C6orf136: variants seen among roughly 807,000 people sequenced by gnomAD.
The protein encoded by C6orf136 is uncharacterized protein C6orf136.
In C6orf136, 29 loss-of-function variants were observed where a neutral mutation model predicts 44.0. The ratio of observed to expected loss-of-function variants is 0.66; its 90% CI spans 0.49 to 0.90. C6orf136 has a LOEUF of 0.90. C6orf136 is among the 40% of genes least tolerant of loss of function. The pLI is 0.00. For synonymous variants in C6orf136, 293 were observed against 278.6 expected (o/e 1.05, Z -0.52); for missense variants, 628 against 669.3 (o/e 0.94, Z 0.68).
At chr6:30,651,193 CCCATT>C in intron 3 of C6orf136, 68 bp from the exon 4 acceptor site, 1 of 1,584,130 alleles carries the variant, frequency 6.3e-7, no homozygotes, top group Non-Finnish European at 8.7e-7. Context: ...ACAGCTGTTC[CCCATT>C]CCTTAGAAGC....
Position 30,647,199 on chromosome 6 carries a change from C to A in C6orf136, c.-33C>A. 1 of 1,539,608 alleles carries A rather than the reference C, an allele frequency of 6.5e-7. No homozygotes were observed. The highest frequency in any genetic ancestry group is 2.0e-5 in the Admixed American group (1 of 49,780). ...CCCTGTGAGGAGGCCGGAGGTCGGA[C>A]TCAGGAGGCTCCTTCTCCACTCCCG... is the stretch of plus-strand genomic sequence containing the variant. On this transcript the variant is annotated 5_prime_UTR_variant, in exon 1 of 6. Transcript: ENST00000651131. This position sits in a 1 kb window ranked among gnomAD's most constrained non-coding sequence, Gnocchi z 4.8.
rs11557269 is a variant in C6orf136 at position 30,651,429 on chromosome 6, T to C, written c.1270T>C (p.Leu424=). 1.2e-6 allele frequency: 2 copies of C among 1,611,818 alleles called. No individual in the cohort carries two copies. The highest frequency in any genetic ancestry group is 1.7e-6 in the Non-Finnish European group (2 of 1,180,028). The part of the protein sequence containing the change: ...LVGLPVHLLF[L]RFYKRDKDEH... Reference sequence around the variant, plus strand: ...GGGGCTGCCCGTCCACTTGCTCTTTTTGCGGTTCTACAAGCGTGACAAAGA... The same window carrying C: ...GGGGCTGCCCGTCCACTTGCTCTTTCTGCGGTTCTACAAGCGTGACAAAGA... Residue 424 remains leucine (L), a synonymous_variant, in exon 4 of 6, where the codon TTG becomes CTG. Transcript: ENST00000651131.
In C6orf136 at chr6:30,649,578, T is replaced by C; in HGVS notation, c.636T>C (p.Thr212=). ...CTTAGGACCAGCTTTATCCAGGGAC[T>C]CTACCATTCCCACCCCTTTGGCCCC... ...SGTEDQLYPG[T]LPFPPLWPHS... is the part of the protein sequence containing the mutation. Residue 212 remains threonine, a synonymous_variant, in exon 2 of 6, where the codon ACT becomes ACC. Transcript: ENST00000651131. The C allele has an allele frequency of 6.3e-7, 1 of 1,584,852 alleles. No homozygotes were observed. The highest frequency in any genetic ancestry group is 8.5e-7 in the Non-Finnish European group (1 of 1,172,808).
At position 30,647,342 on chromosome 6, in the gene C6orf136, G is replaced by A. The variant is rs1324121003; in HGVS notation, c.111G>A (p.Gly37=). 6.4e-7 allele frequency: 1 copy of A among 1,560,092 alleles called. No individual in the cohort carries two copies. The highest frequency in any genetic ancestry group is 1.2e-5 in the South Asian group (1 of 84,148). The stretch of plus-strand genomic sequence containing the variant: ...AAGAGGGAGGGAGGAGAGGGGGCGG[G>A]GAGAGACCCTCCTCAAAGCCGGTGC... ...GGEEGGRRGG[G]ERPSSKPVRG... The change falls in exon 1 of 6, where the codon GGG becomes GGA. Residue 37 remains glycine (G), a synonymous_variant. Coordinates refer to ENST00000651131, the MANE Select transcript of C6orf136 (RefSeq NM_001161376.2). The surrounding 1 kb of genome is among the most constrained non-coding windows in gnomAD (Gnocchi z 4.8).
At position 30,647,184 on chromosome 6, in the gene C6orf136, A is replaced by C; in HGVS notation, c.-48A>C. 7.6e-7 allele frequency: 1 copy of C among 1,315,720 alleles called. No individual in the cohort carries two copies. The highest frequency in any genetic ancestry group is 1.6e-5 in the African/African-American group (1 of 62,830). 81.5% of individuals were successfully genotyped at this position (1,315,720 alleles called of 1,614,324 possible). ...CTGGGGCGCGCTCACCCCTGTGAGG[A>C]GGCCGGAGGTCGGACTCAGGAGGCT... On this transcript the variant is annotated 5_prime_UTR_variant, in exon 1 of 6. Transcript: ENST00000651131. The surrounding 1 kb of genome is among the most constrained non-coding windows in gnomAD (Gnocchi z 4.8).
intron 3 of C6orf136, 27 bp downstream of exon 3, chr6:30,651,109 C>T (rs377317868): frequency 3.7e-6 from 6 of 1,601,804 alleles, no homozygotes; most frequent in Admixed American, 1.7e-5. Flanking sequence ...AGGTAGGGCA[C>T]TGGGGAGGAA....
At position 30,649,755 on chromosome 6, in the gene C6orf136, G is replaced by T; in HGVS notation, c.813G>T (p.Lys271Asn). The stretch of plus-strand genomic sequence containing the variant: ...CATGGGTGGTTCTCCCTCCAGGAAA[G>T]GGGGAGGAGGGACCAGGACCTGAGT... ...SSAWVVLPPG[K>N]GEEGPGPELH... Residue 271 changes from lysine to asparagine, a missense_variant, in exon 2 of 6, where the codon AAG (lysine) becomes AAT (asparagine). Physicochemically the swap from Lys to Asn is moderately conservative, Grantham distance 94 (BLOSUM62 0). Transcript: ENST00000651131. 3 of 1,613,956 alleles carry T rather than the reference G, an allele frequency of 1.9e-6. No individual in the cohort carries two copies. The highest frequency in any genetic ancestry group is 2.5e-6 in the Non-Finnish European group (3 of 1,179,960).
intron 5 of C6orf136, 21 bp from the exon 6 acceptor site, chr6:30,652,781 C>T (rs1767561442): frequency 1.9e-6 from 3 of 1,612,232 alleles, no homozygotes; most frequent in Non-Finnish European, 2.5e-6. Context: ...CCCCAACTGG[C>T]ATTAACCTTT....
In C6orf136 at chr6:30,647,339, C is replaced by A. The variant is rs745509405; in HGVS notation, c.108C>A (p.Gly36=). 27 of 1,560,674 alleles carry A rather than the reference C, an allele frequency of 1.7e-5. No individual in the cohort carries two copies. Among genetic ancestry groups the A allele is most frequent in the Non-Finnish European group, 2.2e-5 (26 of 1,158,068 alleles). ...SGGEEGGRRG[G]GERPSSKPVR... The stretch of plus-strand genomic sequence containing the variant: ...GAGAAGAGGGAGGGAGGAGAGGGGG[C>A]GGGGAGAGACCCTCCTCAAAGCCGG... The change falls in exon 1 of 6, where the codon GGC becomes GGA. Residue 36 remains glycine (G), a synonymous_variant. Coordinates refer to ENST00000651131, the MANE Select transcript of C6orf136 (RefSeq NM_001161376.2). This position sits in a 1 kb window ranked among gnomAD's most constrained non-coding sequence, Gnocchi z 4.8.
At chr6:30,652,273 A>G (rs1767499977) in intron 4 of C6orf136, among the ~76,000 whole-genome samples, 1 of 150,232 alleles carries the variant, frequency 6.7e-6, no homozygotes, top group Non-Finnish European at 1.5e-5. Context: ...ACACACACAC[A>G]CACACACACA....
At chr6:30,651,937 C>T (rs1418407428) in intron 4 of C6orf136, among the ~76,000 whole-genome samples, 1 of 152,056 alleles carries the variant, frequency 6.6e-6, no homozygotes, top group African/African-American at 2.4e-5. Context: ...CAGTGCCTAG[C>T]ACATGGTAGG....
In C6orf136 at chr6:30,648,108, ATAGGCCTCATAACCCAG is replaced by A. The variant is rs1767044080; in HGVS notation, c.615+264_615+280del. Among the ~76,000 whole-genome samples the A allele has an allele frequency of 2.6e-5, 4 of 152,216 alleles. No individual in the cohort carries two copies. In the South Asian group the frequency reaches 8.3e-4, roughly 31 times the overall value. On this transcript the variant is annotated intron_variant, in intron 1 of 5. Transcript: ENST00000651131. ...GTTTTGTTTACATTCATTATTTCAT[ATAGGCCTCATAACCCAG>A]TGAGGCTTTATTGTTCTCATTTATA...
Position 30,647,953 on chromosome 6 carries a change from G to C in C6orf136, c.615+107G>C. 1 of 1,401,042 alleles carries C rather than the reference G, an allele frequency of 7.1e-7. No individual in the cohort carries two copies. The highest frequency in any genetic ancestry group is 9.3e-7 in the Non-Finnish European group (1 of 1,077,628). The allele number at this position is 1,401,042 out of a possible 1,614,324, so 86.8% of individuals were successfully genotyped here. On this transcript the variant is annotated intron_variant, in intron 1 of 5. Coordinates refer to ENST00000651131, the MANE Select transcript of C6orf136 (RefSeq NM_001161376.2). The surrounding 1 kb of genome is among the most constrained non-coding windows in gnomAD (Gnocchi z 4.8). The stretch of plus-strand genomic sequence containing the variant: ...GCCTAACTTTGGGTGACCTCCCCTT[G>C]CAGTTTCAACGTCGGTAAACCCAGG...
intron 4 of C6orf136, 43 bp downstream of exon 4, chr6:30,651,509 T>A: frequency 3.8e-6 from 1 of 263,580 alleles, no homozygotes; most frequent in Non-Finnish European, 6.3e-6. Flanking sequence ...AATCAGTTCC[T>A]TTTTTTTTTT....
In C6orf136 at chr6:30,651,059, T is replaced by C; in HGVS notation, c.1083T>C (p.Asn361=). ...ATTCCTTGGATGTGGAATTCATCAA[T>C]GAGATCCTCAACATACGTACCAAGT... ...SLYSLDVEFI[N]EILNIRTKGR... is the part of the protein sequence containing the mutation. Residue 361 remains asparagine, a synonymous_variant, in exon 3 of 6, where the codon AAT becomes AAC. Transcript: ENST00000651131. 1 of 1,612,606 alleles carries C rather than the reference T, an allele frequency of 6.2e-7. No individual in the cohort carries two copies. Among genetic ancestry groups the C allele is most frequent in the Non-Finnish European group, 8.5e-7 (1 of 1,178,612 alleles).
rs749943087 is a variant in C6orf136, at chr6:30,647,275, G to C, written c.44G>C (p.Cys15Ser). 2 of 1,600,396 alleles carry C rather than the reference G, an allele frequency of 1.2e-6. No individual in the cohort carries two copies. The highest frequency in any genetic ancestry group is 1.7e-6 in the Non-Finnish European group (2 of 1,175,588). ...SRGAARRLGP[C>S]LRAYQARPQV... ...GGTGCGGCCCGGCGTCTCGGCCCTT[G>C]CCTGCGCGCCTACCAGGCTCGACCC... The change falls in exon 1 of 6, where the codon TGC becomes TCC. Residue 15 changes from cysteine to serine, a missense_variant. Cys to Ser is a moderately radical substitution (Grantham distance 112, BLOSUM62 -1). Around this residue, in one of 2 missense-constraint regions of C6orf136, gnomAD observed 497 missense variants for 469.2 expected, o/e 1.06. Transcript: ENST00000651131. This position sits in a 1 kb window ranked among gnomAD's most constrained non-coding sequence, Gnocchi z 4.8.
chr6:30,651,437 C>T lies in C6orf136; in HGVS notation c.1278C>T (p.Phe426=). The T allele has an allele frequency of 6.2e-7, 1 of 1,610,792 alleles. No individual in the cohort carries two copies. Among genetic ancestry groups the T allele is most frequent in the East Asian group, 2.2e-5 (1 of 44,874 alleles). ...CCGTCCACTTGCTCTTTTTGCGGTT[C>T]TACAAGCGTGACAAAGACGAGCATT... The part of the protein sequence containing the change: ...GLPVHLLFLR[F]YKRDKDEHYR... Residue 426 remains phenylalanine (F), a synonymous_variant, in exon 4 of 6, where the codon TTC becomes TTT. Transcript: ENST00000651131.
At position 30,647,843 on chromosome 6, in the gene C6orf136, C is replaced by A; in HGVS notation, c.612C>A (p.Thr204=). The change falls in exon 1 of 6, where the codon ACC becomes ACA. Residue 204 remains threonine (T), a synonymous_variant. Transcript: ENST00000651131. This position sits in a 1 kb window ranked among gnomAD's most constrained non-coding sequence, Gnocchi z 4.8. ...RDGASRTPSG[T]EDQLYPGTLP... is the part of the protein sequence containing the mutation. Reference sequence around the variant, plus strand: ...GCGCCTCTAGGACACCATCGGGGACCGAGGTACCCGAGCGGTCCGCCCGCC... The same window carrying A: ...GCGCCTCTAGGACACCATCGGGGACAGAGGTACCCGAGCGGTCCGCCCGCC... 6.8e-7 allele frequency: 1 copy of A among 1,480,698 alleles called. No homozygotes were observed. The highest frequency in any genetic ancestry group is 9.0e-7 in the Non-Finnish European group (1 of 1,116,146). 91.7% of individuals were successfully genotyped at this position (1,480,698 alleles called of 1,614,324 possible). A position where few individuals can be genotyped will look rare whatever the true frequency, so the allele number is the denominator to read the frequency against.
intron 4 of C6orf136, 181 bp from the exon 5 acceptor site, chr6:30,652,467 T>C (rs1767523883): frequency 6.2e-6 from 4 of 646,030 alleles, no homozygotes; most frequent in East Asian, 2.6e-5. Flanking sequence ...TTAAAAAATA[T>C]TGACGCCAAA....
Sources: allele counts gnomAD v4.1 joint callset (sites outside exome capture counted in the v4.1 genomes callset), GRCh38; gene constraint gnomAD v4.1.1; regional missense constraint gnomAD v4.1.1; non-coding constraint Gnocchi (gnomAD v3.1); transcripts MANE v1.5; gene names NCBI Gene and HGNC (gene_info 2026-07-23, HGNC 2026-07-21).